The following CNOT4 variants were observed in gnomAD, a reference collection of about 807,000 sequenced individuals.
CNOT4 encodes CCR4-NOT transcription complex subunit 4.
CNOT4 carries 8 observed loss-of-function variants against 73.8 expected under a neutral mutation model. That is an observed-to-expected ratio of 0.11 (90% CI 0.06 to 0.20). The LOEUF (loss-of-function observed/expected upper bound fraction) is 0.20. CNOT4 is among the 10% of genes least tolerant of loss of function. The pLI is 1.00. For missense variants in CNOT4, 564 were observed against 883.4 expected (o/e 0.64, Z 4.58); for synonymous variants, 293 against 321.1 (o/e 0.91, Z 0.94).
intron 1 of CNOT4, among the ~76,000 whole-genome samples, chr7:135,493,438 C>T (rs1016185975): frequency 1.3e-5 from 2 of 152,124 alleles, no homozygotes; most frequent in Non-Finnish European, 2.9e-5. Flanking sequence ...CCAGGGGAAG[C>T]AGCATCCTCA....
At position 135,446,998 on chromosome 7, in the gene CNOT4, A is replaced by G. The variant is rs1006036248; in HGVS notation, c.-92-8575T>C. Among the ~76,000 whole-genome samples, 5 of 145,730 alleles carry G rather than the reference A, an allele frequency of 3.4e-5. 1 individual carries two copies. The highest frequency in any genetic ancestry group is 7.8e-5 in the Non-Finnish European group (5 of 64,226). On this transcript the variant is annotated intron_variant, in intron 1 of 11. Coordinates refer to ENST00000541284, the MANE Select transcript of CNOT4 (RefSeq NM_001190850.2). The stretch of plus-strand genomic sequence containing the variant: ...TTCCCACTAGAATGGAAACTTCAGG[A>G]GGGCAGAAATGACCCGGTGCATCAC...
At chr7:135,481,845 C>T (rs1305686538) in intron 1 of CNOT4, among the ~76,000 whole-genome samples, 1 of 152,112 alleles carries the variant, frequency 6.6e-6, no homozygotes, top group Non-Finnish European at 1.5e-5. Context: ...AAGACAAATA[C>T]TGCATGTTCT....
At position 135,394,320 on chromosome 7, in the gene CNOT4, C is replaced by T. The variant is rs1585577572; in HGVS notation, c.1225G>A (p.Asp409Asn). Residue 409 changes from aspartate to asparagine, a missense_variant, in exon 10 of 12, where the codon GAT becomes AAT. By Grantham distance (23) the Asp-to-Asn change is conservative (BLOSUM62 1). Around this residue, in one of 10 missense-constraint regions of CNOT4, gnomAD observed 14 missense variants for 60.4 expected, o/e 0.23. Transcript: ENST00000541284. ...TCTGCTAAGGCTTTTCGAGTGACATCGAAGGGATCAAAACCCAAGTCATCC... is the reference window on the plus strand; with the variant it reads ...TCTGCTAAGGCTTTTCGAGTGACATTGAAGGGATCAAAACCCAAGTCATCC... ...PEDDLGFDPF[D>N]VTRKALADLI... 1 of 1,614,032 alleles carries T rather than the reference C, an allele frequency of 6.2e-7. No homozygotes were observed. The highest frequency in any genetic ancestry group is 8.5e-7 in the Non-Finnish European group (1 of 1,179,986).
At chr7:135,495,934 T>C (rs568878023) in intron 1 of CNOT4, among the ~76,000 whole-genome samples, 54 of 152,096 alleles carry the variant, frequency 3.6e-4, no homozygotes, top group Admixed American at 2.1e-3. Flanking sequence ...ATCCTGTCTC[T>C]AAAATAAAGA....
At chr7:135,508,843 A>G (rs1400277091) in intron 1 of CNOT4, among the ~76,000 whole-genome samples, 1 of 152,198 alleles carries the variant, frequency 6.6e-6, no homozygotes, top group African/African-American at 2.4e-5. Context: ...GTTAATATTT[A>G]TTGGTATAAA....
chr7:135,469,676 T>C (rs1801450924), intron 1 of CNOT4, among the ~76,000 whole-genome samples: 1 of 152,168 alleles, frequency 6.6e-6, no homozygotes, highest in Admixed American at 6.6e-5. Flanking sequence ...GGAAAATAGT[T>C]TTAAACATAT....
At chr7:135,396,203 G>A (rs1365090283) in intron 8 of CNOT4, among the ~76,000 whole-genome samples, 3 of 142,448 alleles carry the variant, frequency 2.1e-5, no homozygotes, top group Non-Finnish European at 4.5e-5. Context: ...CTGCAACCTC[G>A]GCCTCCGGGG....
chr7:135,458,458 A>T lies in CNOT4; in HGVS notation c.-92-20035T>A, dbSNP rs1800679899. Among the ~76,000 whole-genome samples, 5 of 152,000 alleles carry T rather than the reference A, an allele frequency of 3.3e-5. 1 individual carries two copies. The South Asian group carries it at 1.0e-3, about 32-fold the overall frequency. On this transcript the variant is annotated intron_variant, in intron 1 of 11. Transcript: ENST00000541284. ...AATTTCTTAAAATAAGACAACAATA[A>T]AGTTTGCCACAGCCATTGACTCTCT...
At chr7:135,424,534 C>T (rs1164998424) in intron 2 of CNOT4, among the ~76,000 whole-genome samples, 1 of 152,026 alleles carries the variant, frequency 6.6e-6, no homozygotes, top group African/African-American at 2.4e-5. Context: ...CCTGTAATTC[C>T]AGCACTTTGG....
At chr7:135,399,611 A>G (rs1212936486) in intron 7 of CNOT4, among the ~76,000 whole-genome samples, 1 of 152,056 alleles carries the variant, frequency 6.6e-6, no homozygotes, top group East Asian at 1.9e-4. Flanking sequence ...TTATTCCCTG[A>G]AAATATACAC....
At chr7:135,416,967 T>C (rs1394530281) in intron 3 of CNOT4, among the ~76,000 whole-genome samples, 1 of 152,176 alleles carries the variant, frequency 6.6e-6, no homozygotes, top group South Asian at 2.1e-4. Context: ...TTTCATATTA[T>C]ACGTAATTAC....
At chr7:135,465,445 G>A (rs1196512033) in intron 1 of CNOT4, among the ~76,000 whole-genome samples, 1 of 152,168 alleles carries the variant, frequency 6.6e-6, no homozygotes, top group African/African-American at 2.4e-5. Context: ...TCCAATGGAT[G>A]CCTGAAGTAT....
intron 10 of CNOT4, among the ~76,000 whole-genome samples, chr7:135,385,025 T>C (rs1191635143): frequency 2.4e-5 from 3 of 126,664 alleles, no homozygotes; most frequent in Middle Eastern, 3.9e-3. Context: ...TAATTCATAG[T>C]TCTTCTCCAT....
At chr7:135,455,629 C>T (rs749451428) in intron 1 of CNOT4, among the ~76,000 whole-genome samples, 2 of 151,510 alleles carry the variant, frequency 1.3e-5, no homozygotes, top group Non-Finnish European at 2.9e-5. Flanking sequence ...AATCCCAGCA[C>T]TTTTGGAGGC....
chr7:135,494,470 C>CAAA (rs34284664), intron 1 of CNOT4, among the ~76,000 whole-genome samples: 146 of 73,050 alleles, frequency 2.0e-3, no homozygotes, highest in African/African-American at 7.4e-3. Context: ...AATTCCGTCT[C>CAAA]AAAAAAAAAA....
chr7:135,419,744 A>G (rs899007256), intron 3 of CNOT4, among the ~76,000 whole-genome samples: 6 of 152,132 alleles, frequency 3.9e-5, no homozygotes, highest in African/African-American at 1.4e-4. Context: ...CGGAAATAAG[A>G]AATCTCTGTA....
At chr7:135,480,202 C>T (rs56285116) in intron 1 of CNOT4, among the ~76,000 whole-genome samples, 11,281 of 152,224 alleles carry the variant, frequency 0.074, 498 homozygotes, top group Middle Eastern at 0.12. Flanking sequence ...ATAACCACCA[C>T]GGCTTTTTAT....
At chr7:135,414,263 C>T (rs909553216) in intron 5 of CNOT4, 68 bp downstream of exon 5, 35 of 683,200 alleles carry the variant, frequency 5.1e-5, no homozygotes, top group Non-Finnish European at 8.1e-5. Context: ...GCTCAGTTCT[C>T]CTCTACTTAC....
At chr7:135,455,881 C>T (rs1800495801) in intron 1 of CNOT4, among the ~76,000 whole-genome samples, 1 of 151,984 alleles carries the variant, frequency 6.6e-6, no homozygotes. Context: ...AACAAACAAA[C>T]AAAAAAGACT....
Sources: gnomAD v4.1 joint callset for allele counts (sites outside exome capture counted in the v4.1 genomes callset) on GRCh38, gnomAD v4.1.1 for gene constraint, gnomAD v4.1.1 regional missense constraint, MANE v1.5 for transcripts, NCBI Gene and HGNC (gene_info 2026-07-23, HGNC 2026-07-21) for gene names.